The following LRRC8C variants were observed in gnomAD, a reference collection of about 807,000 sequenced individuals.
LRRC8C encodes the protein volume-regulated anion channel subunit LRRC8C.
A neutral mutation model predicts 55.3 loss-of-function variants in LRRC8C; 20 were observed. The ratio of observed to expected loss-of-function variants is 0.36; its 90% CI spans 0.25 to 0.53. LRRC8C has a LOEUF of 0.53. Among genes scored for constraint, LRRC8C ranks in the 20% least tolerant of loss-of-function variants. The probability of loss-of-function intolerance (pLI) is 0.92; values close to 1 mark genes in which losing one functional copy is unlikely to be tolerated. For missense variants in LRRC8C, 659 were observed against 951.4 expected (o/e 0.69, Z 4.04); for synonymous variants, 376 against 360.7 (o/e 1.04, Z -0.48).
chr1:89,659,814 A>G (rs923384520), intron 1 of LRRC8C, among the ~76,000 whole-genome samples: 1 of 152,144 alleles, frequency 6.6e-6, no homozygotes, highest in Non-Finnish European at 1.5e-5. Context: ...GTGTCATGCA[A>G]AAGTGTTACT....
At chr1:89,616,996 TCTTTC>T in the LRRC8C span, among the ~76,000 whole-genome samples, 2 of 152,216 alleles carry the variant, frequency 1.3e-5, no homozygotes, top group South Asian at 4.1e-4. Context: ...TTGTGCCTTC[TCTTTC>T]CTTTCCCTCT....
chr1:89,653,862 T>C (rs1214640040), intron 1 of LRRC8C, among the ~76,000 whole-genome samples: 1 of 152,232 alleles, frequency 6.6e-6, no homozygotes, highest in Non-Finnish European at 1.5e-5. Context: ...TTAATTTCAA[T>C]CCAGCAGTAT....
Position 89,719,176 on chromosome 1 carries a change from G to A in LRRC8C, c.*4194G>A, listed in dbSNP as rs1658904730. On this transcript the variant is annotated 3_prime_UTR_variant, in exon 3 of 3. Transcript: ENST00000370454. Reference sequence around the variant, plus strand: ...CCTTGAAAGGGGGGTATATAAATTTGGAAAACTTAATTTCTTGGCTGTGTT... The same window carrying A: ...CCTTGAAAGGGGGGTATATAAATTTAGAAAACTTAATTTCTTGGCTGTGTT... 1 of 152,098 alleles carries A rather than the reference G, an allele frequency of 6.6e-6. No homozygotes were observed. The highest frequency in any genetic ancestry group is 2.1e-4 in the South Asian group (1 of 4,830). The allele number at this position is 152,098 out of a possible 1,614,324, so 9.4% of individuals were successfully genotyped here.
chr1:89,688,586 C>T (rs1369874685), intron 2 of LRRC8C, among the ~76,000 whole-genome samples: 7 of 152,112 alleles, frequency 4.6e-5, no homozygotes, highest in African/African-American at 1.4e-4. Flanking sequence ...AGGCAGATGT[C>T]CTGGAAGGAG....
intron 1 of LRRC8C, among the ~76,000 whole-genome samples, chr1:89,680,449 A>G (rs779385593): frequency 1.3e-5 from 2 of 151,958 alleles, no homozygotes; most frequent in African/African-American, 4.8e-5. Flanking sequence ...GATCTACTAA[A>G]ATAGTTTTTT....
chr1:89,654,874 C>CCT (rs1656895429), intron 1 of LRRC8C, among the ~76,000 whole-genome samples: 1 of 129,342 alleles, frequency 7.7e-6, no homozygotes, highest in African/African-American at 2.9e-5. Flanking sequence ...TTTAGTAAGC[C>CCT]TTTTTTTTTT....
intron 2 of LRRC8C, among the ~76,000 whole-genome samples, chr1:89,709,915 C>G (rs1658601591): frequency 6.6e-6 from 1 of 152,054 alleles, no homozygotes. Context: ...CCGCGCCCGG[C>G]TAATTTTTTG....
intron 2 of LRRC8C, among the ~76,000 whole-genome samples, chr1:89,700,439 T>G (rs1658287549): frequency 1.3e-5 from 2 of 152,232 alleles, no homozygotes; most frequent in African/African-American, 4.8e-5. Flanking sequence ...CTATGACGCT[T>G]AGCATGTATT....
In LRRC8C at chr1:89,719,070, A is replaced by T. The variant is rs974694578; in HGVS notation, c.*4088A>T. On this transcript the variant is annotated 3_prime_UTR_variant, in exon 3 of 3. Coordinates refer to ENST00000370454, the MANE Select transcript of LRRC8C (RefSeq NM_032270.5). Reference sequence around the variant, plus strand: ...TCCATCTTCCCAAAGTCACTCACCGATAAAGGTAGCATCCTTAAGTTCATT... The same window carrying T: ...TCCATCTTCCCAAAGTCACTCACCGTTAAAGGTAGCATCCTTAAGTTCATT... 9 of 152,176 alleles carry T rather than the reference A, an allele frequency of 5.9e-5. No homozygotes were observed. Among genetic ancestry groups the T allele is most frequent in the Admixed American group, 1.3e-4 (2 of 15,274 alleles). 9.4% of individuals were successfully genotyped at this position (152,176 alleles called of 1,614,324 possible).
rs182385200 is a variant in LRRC8C at position 89,666,835 on chromosome 1, A to T, written c.-4-19635A>T. On this transcript the variant is annotated intron_variant, in intron 1 of 2. Transcript: ENST00000370454. ...ACTGTTCTAGGCTCTGGGAGACAGG[A>T]GTGAACAAAACAAAGTCCCCATTTC... is the stretch of plus-strand genomic sequence containing the variant. Among the ~76,000 whole-genome samples, 23 of 152,318 alleles carry T rather than the reference A, an allele frequency of 1.5e-4. No homozygotes were observed. In the East Asian group the frequency reaches 4.4e-3, roughly 29 times the overall value.
the LRRC8C span, among the ~76,000 whole-genome samples, chr1:89,621,404 G>A: frequency 6.6e-6 from 1 of 151,692 alleles, no homozygotes; most frequent in African/African-American, 2.4e-5. Flanking sequence ...AGGAGGCGGA[G>A]CTTGCAGCGA....
At chr1:89,653,599 A>G (rs963431917) in intron 1 of LRRC8C, among the ~76,000 whole-genome samples, 6 of 152,260 alleles carry the variant, frequency 3.9e-5, no homozygotes, top group Non-Finnish European at 8.8e-5. Context: ...ATAATAAAAC[A>G]AATGAGACAT....
chr1:89,643,067 AAGG>A (rs1010364471), intron 1 of LRRC8C, among the ~76,000 whole-genome samples: 7 of 151,192 alleles, frequency 4.6e-5, no homozygotes, highest in Non-Finnish European at 1.5e-5. Flanking sequence ...TACCAGTAGG[AAGG>A]AGGATATATT....
chr1:89,705,629 A>T (rs1207588576), intron 2 of LRRC8C, among the ~76,000 whole-genome samples: 1 of 151,792 alleles, frequency 6.6e-6, no homozygotes, highest in African/African-American at 2.4e-5. Context: ...AAAAATACAA[A>T]AATTAGCCAG....
chr1:89,658,904 C>T (rs770819472), intron 1 of LRRC8C, among the ~76,000 whole-genome samples: 1 of 151,856 alleles, frequency 6.6e-6, no homozygotes, highest in Admixed American at 6.6e-5. Flanking sequence ...GAATTAGGAG[C>T]CACTGCTAAT....
rs146706875 is a variant in LRRC8C, at chr1:89,716,855, A to G, written c.*1873A>G. 35 of 152,302 alleles carry G rather than the reference A, an allele frequency of 2.3e-4. No individual in the cohort carries two copies. Among genetic ancestry groups the G allele is most frequent in the African/African-American group, 8.2e-4 (34 of 41,570 alleles). 9.4% of individuals were successfully genotyped at this position (152,302 alleles called of 1,614,324 possible). On this transcript the variant is annotated 3_prime_UTR_variant, in exon 3 of 3. Transcript: ENST00000370454. ...AAATGTTGGGAATTGCTCCTCAGAAATGTGTTCCTAAGTTGTGTTTTCAAC... is the reference window on the plus strand; with the variant it reads ...AAATGTTGGGAATTGCTCCTCAGAAGTGTGTTCCTAAGTTGTGTTTTCAAC...
At position 89,643,274 on chromosome 1, in the gene LRRC8C, G is replaced by T. The variant is rs974184972; in HGVS notation, c.-5+9952G>T. ...ACCCAGCTATTTTTTGTGGAGACAG[G>T]GTTTCATCATGTTGCCCAAGCTGTT... is the stretch of plus-strand genomic sequence containing the variant. On this transcript the variant is annotated intron_variant, in intron 1 of 2. Coordinates refer to ENST00000370454, the MANE Select transcript of LRRC8C (RefSeq NM_032270.5). Among the ~76,000 whole-genome samples the T allele has an allele frequency of 1.4e-4, 22 of 152,220 alleles. 2 individuals carry two copies. Among genetic ancestry groups the T allele is most frequent in the Admixed American group, 9.2e-4 (14 of 15,300 alleles).
At chr1:89,666,321 G>A (rs934383199) in intron 1 of LRRC8C, among the ~76,000 whole-genome samples, 4 of 152,090 alleles carry the variant, frequency 2.6e-5, no homozygotes, top group African/African-American at 7.2e-5. Context: ...TAAAGGAGAC[G>A]AGTTAACGGG....
At chr1:89,617,690 C>T in the LRRC8C span, among the ~76,000 whole-genome samples, 1 of 152,158 alleles carries the variant, frequency 6.6e-6, no homozygotes, top group Non-Finnish European at 1.5e-5. Context: ...AGACTGCCCT[C>T]ACTTAGGATG....
Sources: allele counts gnomAD v4.1 joint callset (sites outside exome capture counted in the v4.1 genomes callset), GRCh38; gene constraint gnomAD v4.1.1; transcripts MANE v1.5; gene names NCBI Gene and HGNC (gene_info 2026-07-23, HGNC 2026-07-21).